The following GRID2 variants were observed in gnomAD, a reference collection of about 807,000 sequenced individuals.
GRID2 encodes the protein glutamate receptor ionotropic, delta-2.
Under a neutral mutation model 114.8 loss-of-function variants are expected in GRID2, and 33 were observed. That is an observed-to-expected ratio of 0.29 (90% CI 0.22 to 0.38). GRID2 has a LOEUF of 0.38. GRID2 is among the 10% of genes least tolerant of loss of function. GRID2 has a pLI of 1.00. For missense variants in GRID2, 1,184 were observed against 1,257.7 expected (o/e 0.94, Z 0.89); for synonymous variants, 505 against 449.9 (o/e 1.12, Z -1.55).
chr4:92,805,647 G>T (rs1387632508), intron 2 of GRID2, among the ~76,000 whole-genome samples: 1 of 151,904 alleles, frequency 6.6e-6, no homozygotes, highest in African/African-American at 2.4e-5. Flanking sequence ...AAAGGAAGAT[G>T]ATTTGCTTGG....
chr4:92,747,777 T>G (rs2149336100), intron 2 of GRID2, among the ~76,000 whole-genome samples: 1 of 152,282 alleles, frequency 6.6e-6, no homozygotes, highest in African/African-American at 2.4e-5. Flanking sequence ...ATATTTATTA[T>G]TAAGCCATAC....
intron 2 of GRID2, among the ~76,000 whole-genome samples, chr4:92,877,747 A>G (rs997085810): frequency 1.1e-4 from 16 of 152,186 alleles, no homozygotes; most frequent in African/African-American, 3.9e-4. Flanking sequence ...TTGTAAGTCC[A>G]TGTTGATGGA....
intron 1 of GRID2, among the ~76,000 whole-genome samples, chr4:92,530,410 C>T (rs779993114): frequency 3.4e-5 from 5 of 148,552 alleles, no homozygotes; most frequent in African/African-American, 5.0e-5. Flanking sequence ...ATCACCCTAA[C>T]GTTTTCAAGA....
chr4:93,406,027 T>A (rs1319678063), intron 9 of GRID2, among the ~76,000 whole-genome samples: 1 of 152,146 alleles, frequency 6.6e-6, no homozygotes, highest in African/African-American at 2.4e-5. Flanking sequence ...GATTATTAAT[T>A]TTTTTCATAT....
chr4:93,725,206 T>C (rs1239474695), intron 14 of GRID2, among the ~76,000 whole-genome samples: 2 of 152,144 alleles, frequency 1.3e-5, no homozygotes, highest in African/African-American at 4.8e-5. Flanking sequence ...ATTGTTCAAT[T>C]CCCACCTGTG....
At chr4:93,713,644 A>G (rs1728672393) in intron 14 of GRID2, among the ~76,000 whole-genome samples, 1 of 152,098 alleles carries the variant, frequency 6.6e-6, no homozygotes, top group South Asian at 2.1e-4. Flanking sequence ...ATTGGGATAG[A>G]GAGTGACAAG....
rs762037449 is a variant in GRID2 at position 92,908,561 on chromosome 4, C to CAA, written c.245-176416_245-176415dup. 8.1e-4 allele frequency among the ~76,000 whole-genome samples: 29 copies of CAA among 35,776 alleles called. 2 individuals carry two copies. Among genetic ancestry groups the CAA allele is most frequent in the African/African-American group, 2.0e-3 (22 of 11,244 alleles). 23.5% of individuals were successfully genotyped at this position (35,776 alleles called of 152,430 possible). Reference sequence around the variant, plus strand: ...CGGACGACAGAGCAAGACTCCATCTCAAAAAAAAAAAAAAAAAAAGCAGCC... The same window carrying CAA: ...CGGACGACAGAGCAAGACTCCATCTCAAAAAAAAAAAAAAAAAAAAAGCAGCC... On this transcript the variant is annotated intron_variant, in intron 2 of 15. Coordinates refer to ENST00000282020, the MANE Select transcript of GRID2 (RefSeq NM_001510.4).
At chr4:92,386,040 A>G (rs1284827809) in intron 1 of GRID2, among the ~76,000 whole-genome samples, 2 of 151,406 alleles carry the variant, frequency 1.3e-5, no homozygotes, top group African/African-American at 4.8e-5. Flanking sequence ...TTGTGATTTG[A>G]CAATTAAAAT....
chr4:93,169,318 CTT>C (rs898911484), intron 4 of GRID2, among the ~76,000 whole-genome samples: 4 of 152,072 alleles, frequency 2.6e-5, no homozygotes, highest in Non-Finnish European at 5.9e-5. Flanking sequence ...TCTTGAAAAA[CTT>C]TGATTCTTTC....
chr4:92,831,975 T>C (rs994442635), intron 2 of GRID2, among the ~76,000 whole-genome samples: 1 of 152,072 alleles, frequency 6.6e-6, no homozygotes, highest in Admixed American at 6.6e-5. Flanking sequence ...AATGATACAG[T>C]GCATAAAAGA....
intron 7 of GRID2, among the ~76,000 whole-genome samples, chr4:93,232,272 A>C (rs1202063634): frequency 6.6e-6 from 1 of 152,176 alleles, no homozygotes; most frequent in Non-Finnish European, 1.5e-5. Flanking sequence ...ATTGCACATA[A>C]AATCACTGGA....
At chr4:93,534,846 CTTT>C (rs35860438) in intron 13 of GRID2, among the ~76,000 whole-genome samples, 2 of 138,250 alleles carry the variant, frequency 1.4e-5, no homozygotes, top group African/African-American at 2.6e-5. Context: ...CACATGGTTA[CTTT>C]TTTTTTTTTT....
At chr4:92,898,592 G>A (rs908449611) in intron 2 of GRID2, among the ~76,000 whole-genome samples, 8 of 152,080 alleles carry the variant, frequency 5.3e-5, no homozygotes, top group Non-Finnish European at 1.0e-4. Flanking sequence ...TCTTTTAATT[G>A]GATGATTGCA....
At chr4:92,791,051 T>C (rs995922677) in intron 2 of GRID2, among the ~76,000 whole-genome samples, 1 of 151,852 alleles carries the variant, frequency 6.6e-6, no homozygotes, top group Non-Finnish European at 1.5e-5. Context: ...TATTTGTTAC[T>C]ATATTGAAAT....
At chr4:92,898,920 A>G (rs974699611) in intron 2 of GRID2, among the ~76,000 whole-genome samples, 1 of 152,180 alleles carries the variant, frequency 6.6e-6, no homozygotes, top group African/African-American at 2.4e-5. Context: ...AATAGTAACA[A>G]TAACTTTAAT....
intron 9 of GRID2, among the ~76,000 whole-genome samples, chr4:93,407,295 T>C (rs568582043): frequency 1.3e-5 from 2 of 152,264 alleles, no homozygotes; most frequent in South Asian, 4.1e-4. Flanking sequence ...GCTTCTGGAA[T>C]AGTGAACATG....
At chr4:93,490,032 A>AAC (rs1726829698) in intron 11 of GRID2, among the ~76,000 whole-genome samples, 2 of 151,812 alleles carry the variant, frequency 1.3e-5, no homozygotes, top group Non-Finnish European at 2.9e-5. Flanking sequence ...ATGGACAGAG[A>AAC]AGAGAAGCAG....
chr4:93,358,713 G>T (rs565776063), intron 8 of GRID2, among the ~76,000 whole-genome samples: 5 of 152,046 alleles, frequency 3.3e-5, no homozygotes, highest in African/African-American at 1.2e-4. Flanking sequence ...CATCTACCCA[G>T]ATTTTTCTTC....
Position 93,369,047 on chromosome 4 carries a change from A to C in GRID2, c.1246-26560A>C, listed in dbSNP as rs1338056521. 2.6e-5 allele frequency among the ~76,000 whole-genome samples: 4 copies of C among 152,174 alleles called. No individual in the cohort carries two copies. The South Asian group carries it at 6.2e-4, about 24-fold the overall frequency. The stretch of plus-strand genomic sequence containing the variant: ...TTCCCTGACTATCTTAAATTATCGC[A>C]AACTGATTGGCTTAAAACAACGGAA... On this transcript the variant is annotated intron_variant, in intron 8 of 15. Transcript: ENST00000282020.
Sources: allele counts gnomAD v4.1 joint callset (sites outside exome capture counted in the v4.1 genomes callset), GRCh38; gene constraint gnomAD v4.1.1; transcripts MANE v1.5; gene names NCBI Gene and HGNC (gene_info 2026-07-23, HGNC 2026-07-21).